Variants in ZFHX3 observed in about 807,000 individuals in gnomAD.
The protein encoded by ZFHX3 is zinc finger homeobox 3, also known as zinc finger homeobox protein 3.
In ZFHX3, 42 loss-of-function variants were observed where a neutral mutation model predicts 279.1. That is an observed-to-expected ratio of 0.15 (90% CI 0.12 to 0.19). ZFHX3 has a LOEUF of 0.19. Among genes scored for constraint, ZFHX3 ranks in the 10% least tolerant of loss-of-function variants. ZFHX3 has a pLI of 1.00. For missense variants in ZFHX3, 4,981 were observed against 4,754.0 expected (o/e 1.05, Z -1.40); for synonymous variants, 2,293 against 1,957.8 (o/e 1.17, Z -4.52).
intron 1 of ZFHX3, among the ~76,000 whole-genome samples, chr16:73,704,134 AATT>A (rs1415940713): frequency 6.6e-6 from 1 of 152,212 alleles, no homozygotes; most frequent in Non-Finnish European, 1.5e-5. Flanking sequence ...CGTAAACAGA[AATT>A]ATACAATTTC....
chr16:73,229,023 A>G (rs1344559380), intron 5 of ZFHX3, among the ~76,000 whole-genome samples: 1 of 152,132 alleles, frequency 6.6e-6, no homozygotes, highest in Non-Finnish European at 1.5e-5. Context: ...AATATACTCA[A>G]TATGTTCAGG....
At chr16:73,614,859 A>G (rs1158973951) in intron 2 of ZFHX3, among the ~76,000 whole-genome samples, 1 of 152,124 alleles carries the variant, frequency 6.6e-6, no homozygotes, top group Non-Finnish European at 1.5e-5. Context: ...TCCCAGGCTC[A>G]GATGATCCTC....
At chr16:73,192,337 C>G (rs941802893) in intron 5 of ZFHX3, among the ~76,000 whole-genome samples, 1 of 152,150 alleles carries the variant, frequency 6.6e-6, no homozygotes, top group Non-Finnish European at 1.5e-5. Context: ...TTGAGAGGTG[C>G]TGAAACCCAA....
At chr16:73,435,851 C>T (rs999207054) in intron 3 of ZFHX3, among the ~76,000 whole-genome samples, 11 of 152,174 alleles carry the variant, frequency 7.2e-5, no homozygotes, top group African/African-American at 2.7e-4. Flanking sequence ...GCTGCTGAAG[C>T]CTGGGCGGCC....
chr16:72,802,824 T>C (rs905580815), intron 7 of ZFHX3, among the ~76,000 whole-genome samples: 2 of 152,194 alleles, frequency 1.3e-5, no homozygotes, highest in African/African-American at 4.8e-5. Context: ...GCTTTCATGC[T>C]TTATCTTGAA....
chr16:73,505,859 T>C (rs554948923), intron 2 of ZFHX3, among the ~76,000 whole-genome samples: 1 of 152,232 alleles, frequency 6.6e-6, no homozygotes, highest in Non-Finnish European at 1.5e-5. Flanking sequence ...GTGAATAGGC[T>C]CATGAGAGCA....
intron 1 of ZFHX3, among the ~76,000 whole-genome samples, chr16:73,011,036 C>A (rs2030641789): frequency 6.6e-6 from 1 of 152,136 alleles, no homozygotes; most frequent in Non-Finnish European, 1.5e-5. Flanking sequence ...GACTGGAGTA[C>A]AGTGGCGTGA....
chr16:73,485,319 G>C (rs1355626471), intron 2 of ZFHX3, among the ~76,000 whole-genome samples: 1 of 150,986 alleles, frequency 6.6e-6, no homozygotes, highest in African/African-American at 2.4e-5. Flanking sequence ...GTAGACAAGG[G>C]AATACTGGCC....
At chr16:73,298,211 A>ATCAGAATTTTTTTTTTTTTT in intron 4 of ZFHX3, among the ~76,000 whole-genome samples, 1 of 150,724 alleles carries the variant, frequency 6.6e-6, no homozygotes, top group South Asian at 2.1e-4. Context: ...AACAACAAAA[A>ATCAGAATTTTTTTTTTTTTT]TCAGAATTTT....
intron 4 of ZFHX3, among the ~76,000 whole-genome samples, chr16:73,314,635 C>T (rs2015402156): frequency 6.6e-6 from 1 of 152,136 alleles, no homozygotes; most frequent in East Asian, 1.9e-4. Flanking sequence ...AAAAGGTAAA[C>T]TCTCAAGGCA....
chr16:73,164,056 C>A (rs1170487043), intron 5 of ZFHX3, among the ~76,000 whole-genome samples: 1 of 152,168 alleles, frequency 6.6e-6, no homozygotes, highest in African/African-American at 2.4e-5. Flanking sequence ...GATCCTGCAA[C>A]TGCCGCAAGG....
intron 5 of ZFHX3, among the ~76,000 whole-genome samples, chr16:73,188,312 G>A (rs535755812): frequency 3.3e-5 from 5 of 152,178 alleles, no homozygotes; most frequent in Admixed American, 1.3e-4. Context: ...CTCCGGCCTC[G>A]GCCTCCCAAA....
chr16:73,018,257 G>T (rs1389366434), intron 1 of ZFHX3, among the ~76,000 whole-genome samples: 1 of 151,846 alleles, frequency 6.6e-6, no homozygotes, highest in African/African-American at 2.4e-5. Context: ...CTCCCAAAGT[G>T]CTGGGATGAC....
rs371270514 is a variant in ZFHX3, at chr16:73,297,179, C to A, written c.-1194+21061G>T. On this transcript the variant is annotated intron_variant, in intron 4 of 17. Transcript: ENST00000641206. ...GGCATAAGCCACTGCGCCGAGCCAGCAGGAATGATGATTAACCATTTTTTA... is the reference window on the plus strand; with the variant it reads ...GGCATAAGCCACTGCGCCGAGCCAGAAGGAATGATGATTAACCATTTTTTA... 2.4e-4 allele frequency among the ~76,000 whole-genome samples: 36 copies of A among 151,942 alleles called. No individual in the cohort carries two copies. In the East Asian group the frequency reaches 3.5e-3, roughly 15 times the overall value.
chr16:73,877,616 A>G (rs1023063747), intron 1 of ZFHX3, among the ~76,000 whole-genome samples: 2 of 152,200 alleles, frequency 1.3e-5, no homozygotes, highest in African/African-American at 4.8e-5. Flanking sequence ...TACACAGCTC[A>G]TAATCTTGTG....
chr16:73,133,308 A>T (rs1966728479), intron 6 of ZFHX3, among the ~76,000 whole-genome samples: 1 of 152,068 alleles, frequency 6.6e-6, no homozygotes. Context: ...GATCACCTGA[A>T]GTCAGGAGTT....
chr16:73,830,234 G>A (rs1380944678), intron 1 of ZFHX3, among the ~76,000 whole-genome samples: 92 of 138,434 alleles, frequency 6.6e-4, no homozygotes, highest in Non-Finnish European at 1.2e-3. Flanking sequence ...GCGCTTCCCA[G>A]GTGAGGCAAT....
At chr16:73,562,323 C>A (rs556717983) in intron 2 of ZFHX3, among the ~76,000 whole-genome samples, 1 of 152,078 alleles carries the variant, frequency 6.6e-6, no homozygotes, top group Non-Finnish European at 1.5e-5. Context: ...AGGCCGGGCG[C>A]GGTGGCTCAC....
chr16:72,977,855 A>G (rs1323762765), intron 1 of ZFHX3, among the ~76,000 whole-genome samples: 1 of 150,944 alleles, frequency 6.6e-6, no homozygotes, highest in Non-Finnish European at 1.5e-5. Flanking sequence ...AGGACCAGGG[A>G]TTTTTTTTCT....
Sources: allele counts gnomAD v4.1 joint callset (sites outside exome capture counted in the v4.1 genomes callset), GRCh38; gene constraint gnomAD v4.1.1; transcripts MANE v1.5; gene names NCBI Gene and HGNC (gene_info 2026-07-23, HGNC 2026-07-21).